Variants in TTL observed in about 807,000 individuals in gnomAD.
TTL encodes tubulin--tyrosine ligase.
Under a neutral mutation model 41.1 loss-of-function variants are expected in TTL, and 10 were observed. The observed-to-expected ratio is 0.24, with a 90% confidence interval of 0.15 to 0.41. The LOEUF is 0.41. TTL is among the 10% of genes least tolerant of loss of function. The probability of loss-of-function intolerance (pLI) is 1.00; values close to 1 mark genes in which losing one functional copy is unlikely to be tolerated. For synonymous variants in TTL, 175 were observed against 175.5 expected (o/e 1.00, Z 0.02); for missense variants, 367 against 460.4 (o/e 0.80, Z 1.86).
At chr2:112,492,591 C>T (rs1177385050) in intron 2 of TTL, among the ~76,000 whole-genome samples, 5 of 152,116 alleles carry the variant, frequency 3.3e-5, no homozygotes, top group Non-Finnish European at 7.4e-5. Context: ...ATTAGCTGGG[C>T]GTGGTGGTGG....
chr2:112,498,631 C>T (rs898116985), intron 3 of TTL, among the ~76,000 whole-genome samples: 14 of 152,036 alleles, frequency 9.2e-5, no homozygotes, highest in Non-Finnish European at 1.6e-4. Flanking sequence ...GGGCCGGGCA[C>T]GGTGGCTCAC....
rs1681467459 is a variant in TTL at position 112,494,292 on chromosome 2, A to G, written c.386A>G (p.Glu129Gly). 6.2e-7 allele frequency: 1 copy of G among 1,614,196 alleles called. No individual in the cohort carries two copies. Among genetic ancestry groups the G allele is most frequent in the Non-Finnish European group, 8.5e-7 (1 of 1,180,030 alleles). ...AGTAACTCAAGGACAGATGAAAGAG[A>G]ATTCTTTCTCGCCTCTTATAACAGA... Reference protein sequence around the residue: ...PISNSRTDEREFFLASYNRKK... With the variant: ...PISNSRTDERGFFLASYNRKK... Residue 129 changes from glutamate (E) to glycine (G), a missense_variant, in exon 3 of 7, where the codon GAA (glutamate) becomes GGA (glycine). Glu to Gly is a moderately conservative substitution (Grantham distance 98). Transcript: ENST00000233336.
At chr2:112,485,845 G>T in intron 1 of TTL, 72 bp from the exon 2 acceptor site, 1 of 1,322,280 alleles carries the variant, frequency 7.6e-7, no homozygotes, top group Non-Finnish European at 1.0e-6. Flanking sequence ...GAAAAGCTGG[G>T]CATGACACAG....
In TTL at chr2:112,534,568, C is replaced by T. The variant is rs1204301624; in HGVS notation, c.*5773C>T. Reference sequence around the variant, plus strand: ...GCCTTTTTGGTAGTTCCATGTAAGTCCCTACTCCTAGGTCTTGTCTTTATT... The same window carrying T: ...GCCTTTTTGGTAGTTCCATGTAAGTTCCTACTCCTAGGTCTTGTCTTTATT... On this transcript the variant is annotated 3_prime_UTR_variant, in exon 7 of 7. Coordinates refer to ENST00000233336, the MANE Select transcript of TTL (RefSeq NM_153712.5). The T allele has an allele frequency of 2.0e-5, 3 of 152,280 alleles. No homozygotes were observed. The highest frequency in any genetic ancestry group is 4.4e-5 in the Non-Finnish European group (3 of 68,012). The allele number at this position is 152,280 out of a possible 1,614,324, so 9.4% of individuals were successfully genotyped here. A position where few individuals can be genotyped will look rare whatever the true frequency, so the allele number is the denominator to read the frequency against.
chr2:112,524,217 C>T (rs1218587840), intron 6 of TTL, among the ~76,000 whole-genome samples: 1 of 152,116 alleles, frequency 6.6e-6, no homozygotes, highest in African/African-American at 2.4e-5. Flanking sequence ...GGGTTGGTTC[C>T]AAGTCTTTGC....
At chr2:112,484,914 C>G (rs1681199842) in intron 1 of TTL, among the ~76,000 whole-genome samples, 1 of 152,176 alleles carries the variant, frequency 6.6e-6, no homozygotes, top group Non-Finnish European at 1.5e-5. Context: ...ACTGGAAATA[C>G]AGTGTGTTTT....
At chr2:112,515,948 G>GAATAAATAAATAAATA (rs59842188) in intron 5 of TTL, among the ~76,000 whole-genome samples, 111 of 145,640 alleles carry the variant, frequency 7.6e-4, no homozygotes, top group African/African-American at 2.8e-3. Context: ...CTCCATCTCA[G>GAATAAATAAATAAATA]AATAAATAAA....
At position 112,482,415 on chromosome 2, in the gene TTL, C is replaced by T; in HGVS notation, c.71C>T (p.Thr24Ile). 8 of 1,608,472 alleles carry T rather than the reference C, an allele frequency of 5.0e-6. No homozygotes were observed. The highest frequency in any genetic ancestry group is 6.8e-6 in the Non-Finnish European group (8 of 1,178,088). Residue 24 changes from threonine to isoleucine, a missense_variant, in exon 1 of 7, where the codon ACC becomes ATC. By Grantham distance (89) the Thr-to-Ile change is moderately conservative. Coordinates refer to ENST00000233336, the MANE Select transcript of TTL (RefSeq NM_153712.5). The surrounding 1 kb of genome is among the most constrained non-coding windows in gnomAD (Gnocchi z 5.3). ...GAGGTCTCCCGGCTGCTCCTCGCCA[C>T]CGGCCACTGGAAGAGGCTGCGGCGA... The part of the protein sequence containing the change: ...YAEVSRLLLA[T>I]GHWKRLRRDN...
intron 5 of TTL, among the ~76,000 whole-genome samples, chr2:112,511,437 C>T (rs186085663): frequency 6.6e-6 from 1 of 152,004 alleles, no homozygotes; most frequent in Non-Finnish European, 1.5e-5. Flanking sequence ...GTATATGTCT[C>T]CTTTCAATTT....
chr2:112,486,944 G>T (rs1681254193), intron 2 of TTL, among the ~76,000 whole-genome samples: 1 of 152,264 alleles, frequency 6.6e-6, no homozygotes, highest in South Asian at 2.1e-4. Context: ...TTTGAATTGT[G>T]CCCGTCTTGT....
Position 112,513,592 on chromosome 2 carries a change from T to C in TTL, c.876-6690T>C, listed in dbSNP as rs375471679. ...ATACATATAAATATTTATACAAGTA[T>C]AAATATTTATACAAGTATAAGTATA... On this transcript the variant is annotated intron_variant, in intron 5 of 6. Transcript: ENST00000233336. Among the ~76,000 whole-genome samples, 6 of 149,748 alleles carry C rather than the reference T, an allele frequency of 4.0e-5. No individual in the cohort carries two copies. The South Asian group carries it at 1.3e-3, about 31-fold the overall frequency.
chr2:112,482,608 C>T lies in TTL; in HGVS notation c.157+107C>T, dbSNP rs1403164580. On this transcript the variant is annotated intron_variant, in intron 1 of 6. Coordinates refer to ENST00000233336, the MANE Select transcript of TTL (RefSeq NM_153712.5). This position sits in a 1 kb window ranked among gnomAD's most constrained non-coding sequence, Gnocchi z 5.3. ...GTTTTTAAAGGTCATACATTTTCTC[C>T]TCTGTCGCTTGTCGGGCACATCAGA... 2.4e-6 allele frequency: 3 copies of T among 1,231,388 alleles called. No homozygotes were observed. The highest frequency in any genetic ancestry group is 1.6e-5 in the African/African-American group (1 of 63,648). The allele number at this position is 1,231,388 out of a possible 1,614,324, so 76.3% of individuals were successfully genotyped here. A position where few individuals can be genotyped will look rare whatever the true frequency, so the allele number is the denominator to read the frequency against.
rs932691744 is a variant in TTL at position 112,513,587 on chromosome 2, A to T, written c.876-6695A>T. On this transcript the variant is annotated intron_variant, in intron 5 of 6. Transcript: ENST00000233336. Reference sequence around the variant, plus strand: ...CAAATATACATATAAATATTTATACAAGTATAAATATTTATACAAGTATAA... The same window carrying T: ...CAAATATACATATAAATATTTATACTAGTATAAATATTTATACAAGTATAA... Among the ~76,000 whole-genome samples, 13 of 149,450 alleles carry T rather than the reference A, an allele frequency of 8.7e-5. No individual in the cohort carries two copies. The South Asian group carries it at 2.5e-3, about 29-fold the overall frequency.
Position 112,512,504 on chromosome 2 carries a change from C to T in TTL, c.876-7778C>T, listed in dbSNP as rs191378174. Among the ~76,000 whole-genome samples, 719 of 152,146 alleles carry T rather than the reference C, an allele frequency of 4.7e-3. 7 individuals carry two copies. Among genetic ancestry groups the T allele is most frequent in the Admixed American group, 9.6e-3 (147 of 15,268 alleles). ...GTCTCGATCTCCTGACCTCGTGATC[C>T]GTCCACCTCGGCCTCCCAAAGTGCT... On this transcript the variant is annotated intron_variant, in intron 5 of 6. Coordinates refer to ENST00000233336, the MANE Select transcript of TTL (RefSeq NM_153712.5).
At chr2:112,507,752 G>C (rs1442040957) in intron 5 of TTL, among the ~76,000 whole-genome samples, 1 of 150,788 alleles carries the variant, frequency 6.6e-6, no homozygotes, top group East Asian at 2.0e-4. Context: ...CACACTGATG[G>C]GTCTTGACTC....
chr2:112,533,907 A>G lies in TTL; in HGVS notation c.*5112A>G, dbSNP rs1442766761. 6.6e-6 allele frequency: 1 copy of G among 152,254 alleles called. No individual in the cohort carries two copies. The highest frequency in any genetic ancestry group is 2.4e-5 in the African/African-American group (1 of 41,462). 9.4% of individuals were successfully genotyped at this position (152,254 alleles called of 1,614,324 possible). A position where few individuals can be genotyped will look rare whatever the true frequency, so the allele number is the denominator to read the frequency against. ...GCAGAACTTGAAGATTGTTGCAAGC[A>G]TAATTCCTTTCAAAAATTATGAGAG... On this transcript the variant is annotated 3_prime_UTR_variant, in exon 7 of 7. Transcript: ENST00000233336.
Position 112,485,925 on chromosome 2 carries a change from C to T in TTL, c.166C>T (p.Pro56Ser), listed in dbSNP as rs190091751. The change falls in exon 2 of 7, where the codon CCC (proline) becomes TCC (serine). Residue 56 changes from proline (P) to serine (S), a missense_variant. Coordinates refer to ENST00000233336, the MANE Select transcript of TTL (RefSeq NM_153712.5). ...TCCTCTTTCCTTCCTAGGTCACGAG[C>T]CCGGGCTGGTACAGTTGGTGAATTA... ...RLPFGRLGHE[P>S]GLVQLVNYYR... is the part of the protein sequence containing the mutation. 6.2e-7 allele frequency: 1 copy of T among 1,614,096 alleles called. No individual in the cohort carries two copies. The highest frequency in any genetic ancestry group is 2.2e-5 in the East Asian group (1 of 44,886).
intron 5 of TTL, among the ~76,000 whole-genome samples, chr2:112,510,427 C>T (rs897988386): frequency 6.6e-6 from 1 of 152,156 alleles, no homozygotes; most frequent in African/African-American, 2.4e-5. Flanking sequence ...CCATGCCCAG[C>T]CTATTCCAGT....
Position 112,530,603 on chromosome 2 carries a change from G to C in TTL, c.*1808G>C, listed in dbSNP as rs1682483460. On this transcript the variant is annotated 3_prime_UTR_variant, in exon 7 of 7. Coordinates refer to ENST00000233336, the MANE Select transcript of TTL (RefSeq NM_153712.5). ...GGGTTCTGGGTCCCTGGCAAGTCTA[G>C]GTGGGCGGGTGACAGGGAAAGCATG... The C allele has an allele frequency of 4.4e-6, 1 of 227,316 alleles. No homozygotes were observed. Among genetic ancestry groups the C allele is most frequent in the African/African-American group, 2.2e-5 (1 of 45,120 alleles). The allele number at this position is 227,316 out of a possible 1,614,324, so 14.1% of individuals were successfully genotyped here.
Sources: gnomAD v4.1 joint callset for allele counts (sites outside exome capture counted in the v4.1 genomes callset) on GRCh38, gnomAD v4.1.1 for gene constraint, Gnocchi (gnomAD v3.1) non-coding constraint, MANE v1.5 for transcripts, NCBI Gene and HGNC (gene_info 2026-07-23, HGNC 2026-07-21) for gene names.